The following PCBP3 variants were observed in gnomAD, a reference collection of about 807,000 sequenced individuals.
The protein encoded by PCBP3 is poly(rC)-binding protein 3.
In PCBP3, 25 loss-of-function variants were observed where a neutral mutation model predicts 52.7. The ratio of observed to expected loss-of-function variants is 0.47; its 90% CI spans 0.35 to 0.66. The LOEUF (loss-of-function observed/expected upper bound fraction) is 0.66. Ranked by LOEUF, PCBP3 falls within the 30% of genes least tolerant of loss-of-function variation. PCBP3 has a pLI of 0.01. For synonymous variants in PCBP3, 162 were observed against 183.0 expected (o/e 0.89, Z 0.93); for missense variants, 391 against 490.3 (o/e 0.80, Z 1.91).
chr21:45,780,093 G>C (rs1389088406), intron 4 of PCBP3, among the ~76,000 whole-genome samples: 1 of 152,124 alleles, frequency 6.6e-6, no homozygotes, highest in Non-Finnish European at 1.5e-5. Context: ...TATACTTTTT[G>C]TCATTTATAA....
At chr21:45,756,155 C>T (rs1310199455) in intron 4 of PCBP3, among the ~76,000 whole-genome samples, 1 of 152,146 alleles carries the variant, frequency 6.6e-6, no homozygotes, top group African/African-American at 2.4e-5. Flanking sequence ...CACTTTCCCC[C>T]AGGGATGTAC....
At chr21:45,652,371 A>G (rs965976118) in intron 1 of PCBP3, among the ~76,000 whole-genome samples, 9 of 152,176 alleles carry the variant, frequency 5.9e-5, no homozygotes, top group African/African-American at 2.2e-4. Flanking sequence ...TACTACCCAC[A>G]GATGACTACT....
chr21:45,911,572 C>T (rs1569488455), intron 11 of PCBP3, among the ~76,000 whole-genome samples: 1 of 152,108 alleles, frequency 6.6e-6, no homozygotes, highest in Non-Finnish European at 1.5e-5. Context: ...CAGAGAAGAA[C>T]CCGCTCAGAG....
Position 45,917,334 on chromosome 21 carries a change from G to A in PCBP3, c.676-254G>A, listed in dbSNP as rs1266868771. ...AGAAACTTGGAGTCGGAAGCATCAAGGCTGAACTGTTTCCCTCCCACCCGC... is the reference window on the plus strand; with the variant it reads ...AGAAACTTGGAGTCGGAAGCATCAAAGCTGAACTGTTTCCCTCCCACCCGC... On this transcript the variant is annotated intron_variant, in intron 12 of 17. Coordinates refer to ENST00000681687, the MANE Select transcript of PCBP3 (RefSeq NM_001384156.1). The surrounding 1 kb of genome is among the most constrained non-coding windows in gnomAD (Gnocchi z 5.3). 3.4e-5 allele frequency: 15 copies of A among 436,568 alleles called. No homozygotes were observed. In the South Asian group the frequency reaches 4.4e-4, roughly 13 times the overall value. 27.0% of individuals were successfully genotyped at this position (436,568 alleles called of 1,614,324 possible). A position where few individuals can be genotyped will look rare whatever the true frequency, so the allele number is the denominator to read the frequency against.
At chr21:45,889,126 C>G (rs576238491) in intron 5 of PCBP3, among the ~76,000 whole-genome samples, 2 of 152,340 alleles carry the variant, frequency 1.3e-5, no homozygotes, top group South Asian at 4.1e-4. Flanking sequence ...TGCCCTCATC[C>G]TGGGTCTGTT....
chr21:45,834,708 CA>C (rs2093539704), intron 4 of PCBP3, among the ~76,000 whole-genome samples: 1 of 152,234 alleles, frequency 6.6e-6, no homozygotes, highest in South Asian at 2.1e-4. Flanking sequence ...ACTGAAAAAT[CA>C]GAGGCGTCTC....
chr21:45,651,647 C>T (rs1040146706), intron 1 of PCBP3, among the ~76,000 whole-genome samples: 21 of 152,144 alleles, frequency 1.4e-4, no homozygotes, highest in Admixed American at 2.0e-4. Context: ...TATAGCTAGA[C>T]ATTTATGTTG....
intron 12 of PCBP3, chr21:45,915,848 T>A (rs2073314196): frequency 6.6e-6 from 1 of 152,310 alleles, no homozygotes; most frequent in Non-Finnish European, 1.5e-5. Context: ...GTGGGCCGGA[T>A]ACCTGCAAGG....
At chr21:45,787,324 A>G (rs1214915541) in intron 4 of PCBP3, among the ~76,000 whole-genome samples, 1 of 151,402 alleles carries the variant, frequency 6.6e-6, no homozygotes, top group Non-Finnish European at 1.5e-5. Flanking sequence ...AGCTCACTGC[A>G]TCCTCAACTT....
chr21:45,912,614 A>G (rs2096419590), intron 11 of PCBP3, among the ~76,000 whole-genome samples: 1 of 151,986 alleles, frequency 6.6e-6, no homozygotes, highest in African/African-American at 2.4e-5. Flanking sequence ...TACCCAGTGC[A>G]GGGAGGCTCA....
intron 4 of PCBP3, among the ~76,000 whole-genome samples, chr21:45,794,626 A>G (rs1298814652): frequency 1.3e-5 from 2 of 152,224 alleles, no homozygotes; most frequent in African/African-American, 4.8e-5. Flanking sequence ...CAGACCTCAG[A>G]TTGTCTTAAA....
At position 45,941,394 on chromosome 21, in the gene PCBP3, C is replaced by T. The variant is rs112206018; in HGVS notation, c.1080-276C>T. On this transcript the variant is annotated intron_variant, in intron 17 of 17. Coordinates refer to ENST00000681687, the MANE Select transcript of PCBP3 (RefSeq NM_001384156.1). ...GAAGGCCCTGAGCACCCCCAGGGGC[C>T]GACCCAGGGCTGTGTAGGGGGCTCC... Among the ~76,000 whole-genome samples the T allele has an allele frequency of 6.7e-3, 1,016 of 152,258 alleles. 13 individuals are homozygous for T. Among genetic ancestry groups the T allele is most frequent in the African/African-American group, 0.022 (931 of 41,562 alleles).
chr21:45,659,337 C>CTTTTT (rs36113182), intron 1 of PCBP3, among the ~76,000 whole-genome samples: 48 of 78,716 alleles, frequency 6.1e-4, no homozygotes, highest in Non-Finnish European at 7.9e-4. Flanking sequence ...TTTTACTTTC[C>CTTTTT]TTTTTTTTTT....
intron 5 of PCBP3, among the ~76,000 whole-genome samples, chr21:45,884,151 G>T (rs577372016): frequency 6.6e-6 from 1 of 151,946 alleles, no homozygotes; most frequent in Admixed American, 6.6e-5. Context: ...GCCCAGGCTG[G>T]CCTTGAACTC....
chr21:45,696,493 T>TA (rs1240738270), intron 2 of PCBP3, among the ~76,000 whole-genome samples: 1 of 152,066 alleles, frequency 6.6e-6, no homozygotes, highest in Non-Finnish European at 1.5e-5. Flanking sequence ...GTTAATTTTT[T>TA]AAAAAAGGCA....
chr21:45,933,980 C>T lies in PCBP3; in HGVS notation c.857-1273C>T, dbSNP rs182074202. On this transcript the variant is annotated intron_variant, in intron 15 of 17. Transcript: ENST00000681687. ...TGGAGTTGGGGGGCACAGGAGGCGC[C>T]GTGAGGAAGTAGGAGCTCATTGGGA... 2.2e-4 allele frequency among the ~76,000 whole-genome samples: 33 copies of T among 152,150 alleles called. No individual in the cohort carries two copies. The East Asian group carries it at 4.8e-3, about 22-fold the overall frequency.
At chr21:45,764,051 G>GC (rs2089004144) in intron 4 of PCBP3, among the ~76,000 whole-genome samples, 1 of 151,566 alleles carries the variant, frequency 6.6e-6, no homozygotes, top group African/African-American at 2.4e-5. Flanking sequence ...AAGCTGTCTA[G>GC]CTCCTCCCTT....
chr21:45,720,133 A>G (rs1005161143), intron 2 of PCBP3, among the ~76,000 whole-genome samples: 3 of 152,202 alleles, frequency 2.0e-5, no homozygotes, highest in Non-Finnish European at 2.9e-5. Flanking sequence ...GGTTTGTTAC[A>G]TAGGTATACG....
rs781746603 is a variant in PCBP3 at position 45,917,707 on chromosome 21, T to C, written c.717+78T>C. 1.9e-6 allele frequency: 2 copies of C among 1,070,964 alleles called. No homozygotes were observed. Among genetic ancestry groups the C allele is most frequent in the East Asian group, 2.4e-5 (1 of 42,440 alleles). 66.3% of individuals were successfully genotyped at this position (1,070,964 alleles called of 1,614,324 possible). A position where few individuals can be genotyped will look rare whatever the true frequency, so the allele number is the denominator to read the frequency against. On this transcript the variant is annotated intron_variant, in intron 13 of 17. Coordinates refer to ENST00000681687, the MANE Select transcript of PCBP3 (RefSeq NM_001384156.1). The surrounding 1 kb of genome is among the most constrained non-coding windows in gnomAD (Gnocchi z 5.3). Reference sequence around the variant, plus strand: ...CTACCTGCATGCTGCTGTTAATTGCTACTAACATTAATATTACACAATAAT... The same window carrying C: ...CTACCTGCATGCTGCTGTTAATTGCCACTAACATTAATATTACACAATAAT...
Sources: allele counts gnomAD v4.1 joint callset (sites outside exome capture counted in the v4.1 genomes callset), GRCh38; gene constraint gnomAD v4.1.1; non-coding constraint Gnocchi (gnomAD v3.1); transcripts MANE v1.5; gene names NCBI Gene and HGNC (gene_info 2026-07-23, HGNC 2026-07-21).